The following COX16 variants were observed in gnomAD, a reference collection of about 807,000 sequenced individuals.
COX16 encodes the protein cytochrome c oxidase assembly factor COX16.
COX16 carries 12 observed loss-of-function variants against 15.4 expected under a neutral mutation model. That is an observed-to-expected ratio of 0.78 (90% CI 0.50 to 1.26). The LOEUF is 1.26. Among genes scored for constraint, COX16 ranks in the 50% most tolerant of loss-of-function variants. The pLI is 0.00. For synonymous variants in COX16, 46 were observed against 41.1 expected (o/e 1.12, Z -0.46); for missense variants, 124 against 127.6 (o/e 0.97, Z 0.14).
chr14:70,350,335 C>T (rs1886912537), intron 1 of COX16, among the ~76,000 whole-genome samples: 1 of 152,186 alleles, frequency 6.6e-6, no homozygotes, highest in South Asian at 2.1e-4. Flanking sequence ...GACTGTAAAA[C>T]TTTCGTCCCG....
chr14:70,349,878 C>A (rs576951816), intron 1 of COX16, among the ~76,000 whole-genome samples: 1 of 152,256 alleles, frequency 6.6e-6, no homozygotes, highest in East Asian at 1.9e-4. Context: ...GCCTTGTCCT[C>A]TCAACATAAC....
chr14:70,341,767 A>C (rs1228322062), intron 2 of COX16, among the ~76,000 whole-genome samples: 1 of 152,144 alleles, frequency 6.6e-6, no homozygotes, highest in Non-Finnish European at 1.5e-5. Context: ...ATTTAATCAG[A>C]TATTAAATGC....
At chr14:70,347,941 C>T (rs1315059742) in intron 1 of COX16, among the ~76,000 whole-genome samples, 3 of 152,178 alleles carry the variant, frequency 2.0e-5, no homozygotes, top group Non-Finnish European at 4.4e-5. Context: ...CCTTCAAACC[C>T]TGCATAGCCT....
intron 1 of COX16, among the ~76,000 whole-genome samples, chr14:70,356,893 G>A (rs1387293262): frequency 6.6e-6 from 1 of 152,032 alleles, no homozygotes; most frequent in Non-Finnish European, 1.5e-5. Context: ...ACAGCTTGGT[G>A]GCATTTTTAA....
At chr14:70,354,071 G>A (rs536429355) in intron 1 of COX16, among the ~76,000 whole-genome samples, 99 of 151,930 alleles carry the variant, frequency 6.5e-4, no homozygotes, top group African/African-American at 2.2e-3. Flanking sequence ...CAACTACGCC[G>A]GAGGCTGAGG....
At position 70,348,013 on chromosome 14, in the gene COX16, C is replaced by G. The variant is rs577088662; in HGVS notation, c.70-5284G>C. The stretch of plus-strand genomic sequence containing the variant: ...ATCTCAGCCCCCATCCTCACTCTCC[C>G]AGACCTCACCAAACCTTTCTCCCTC... On this transcript the variant is annotated intron_variant, in intron 1 of 3. Coordinates refer to ENST00000389912, the MANE Select transcript of COX16 (RefSeq NM_016468.7). 2.6e-5 allele frequency among the ~76,000 whole-genome samples: 4 copies of G among 152,198 alleles called. No individual in the cohort carries two copies. In the South Asian group the frequency reaches 6.2e-4, roughly 24 times the overall value.
At chr14:70,355,951 CTT>C (rs1449035018) in intron 1 of COX16, among the ~76,000 whole-genome samples, 2 of 152,168 alleles carry the variant, frequency 1.3e-5, no homozygotes, top group Non-Finnish European at 2.9e-5. Context: ...TCCCCTCTCT[CTT>C]GGCATGTGAT....
chr14:70,339,718 T>C (rs1886567494), intron 2 of COX16, among the ~76,000 whole-genome samples: 2 of 152,114 alleles, frequency 1.3e-5, no homozygotes, highest in South Asian at 2.1e-4. Flanking sequence ...CATTACCTCA[T>C]CCTCTCTACC....
chr14:70,331,089 C>T (rs1429692764), intron 2 of COX16, among the ~76,000 whole-genome samples: 2 of 152,158 alleles, frequency 1.3e-5, no homozygotes, highest in African/African-American at 2.4e-5. Context: ...CTCACTGCAA[C>T]CTCTGCCTCC....
rs552557340 is a variant in COX16 at position 70,346,966 on chromosome 14, ACTC to A, written c.70-4240_70-4238del. Among the ~76,000 whole-genome samples the A allele has an allele frequency of 5.3e-5, 8 of 151,266 alleles. No homozygotes were observed. The South Asian group carries it at 1.7e-3, about 32-fold the overall frequency. On this transcript the variant is annotated intron_variant, in intron 1 of 3. Transcript: ENST00000389912. ...CCCTCGGGGCATCTAACTTTCTTCTACTCCTCCAACCTGCCACCTTAAAACATG... is the reference window on the plus strand; with the variant it reads ...CCCTCGGGGCATCTAACTTTCTTCTACTCCAACCTGCCACCTTAAAACATG...
chr14:70,351,045 G>A (rs1423086056), intron 1 of COX16, among the ~76,000 whole-genome samples: 1 of 152,168 alleles, frequency 6.6e-6, no homozygotes, highest in Non-Finnish European at 1.5e-5. Flanking sequence ...ATTTTCAAAA[G>A]CTTAGCCCTT....
chr14:70,359,520 A>C lies in COX16; in HGVS notation c.68T>G (p.Leu23Trp), dbSNP rs1887235366. 6.2e-7 allele frequency: 1 copy of C among 1,613,862 alleles called. No individual in the cohort carries two copies. Among genetic ancestry groups the C allele is most frequent in the Non-Finnish European group, 8.5e-7 (1 of 1,179,788 alleles). Residue 23 changes from leucine to tryptophan, a missense_variant and splice_region_variant, in exon 1 of 4, where the codon TTG becomes TGG. Leu to Trp is a moderately conservative substitution (Grantham distance 61). Coordinates refer to ENST00000389912, the MANE Select transcript of COX16 (RefSeq NM_016468.7). Reference protein sequence around the residue: ...NKTLGYGVPMLLLIVGGSFGL... With the variant: ...NKTLGYGVPMWLLIVGGSFGL... ...GAAGATCCTCCTCACTCCACTCACC[A>C]ACATGGGGACTCCATAGCCGAGAGT...
chr14:70,356,112 C>T (rs1887116945), intron 1 of COX16, among the ~76,000 whole-genome samples: 1 of 151,140 alleles, frequency 6.6e-6, no homozygotes, highest in Admixed American at 6.6e-5. Flanking sequence ...TATAAATTAC[C>T]CAGCCTCTAG....
intron 2 of COX16, among the ~76,000 whole-genome samples, chr14:70,336,693 T>C (rs960414549): frequency 1.3e-5 from 2 of 152,196 alleles, no homozygotes; most frequent in African/African-American, 2.4e-5. Context: ...ATCTGTACTT[T>C]GTGTGATTTA....
chr14:70,354,444 G>A (rs1887062557), intron 1 of COX16, among the ~76,000 whole-genome samples: 1 of 152,118 alleles, frequency 6.6e-6, no homozygotes, highest in South Asian at 2.1e-4. Flanking sequence ...GAGGAGAGCT[G>A]GAGACAGTTC....
Position 70,326,265 on chromosome 14 carries a change from A to C in COX16, c.*68T>G. The C allele has an allele frequency of 7.9e-7, 1 of 1,269,164 alleles. No homozygotes were observed. Among genetic ancestry groups the C allele is most frequent in the Non-Finnish European group, 1.0e-6 (1 of 971,534 alleles). 78.6% of individuals were successfully genotyped at this position (1,269,164 alleles called of 1,614,324 possible). A position where few individuals can be genotyped will look rare whatever the true frequency, so the allele number is the denominator to read the frequency against. On this transcript the variant is annotated 3_prime_UTR_variant, in exon 4 of 4. Transcript: ENST00000389912. ...TTTCCTTTCCACTTGATAGAAGTAT[A>C]TATTAGGAAGTCCAGTTAATAATAT...
intron 1 of COX16, among the ~76,000 whole-genome samples, chr14:70,358,400 G>A (rs1461539467): frequency 1.6e-5 from 2 of 121,684 alleles, no homozygotes; most frequent in Admixed American, 1.0e-4. Context: ...TTTTTGGAGA[G>A]ACAGAGGTCT....
At position 70,325,732 on chromosome 14, in the gene COX16, A is replaced by T. The variant is rs1352715852; in HGVS notation, c.*601T>A. 6.6e-6 allele frequency: 1 copy of T among 152,218 alleles called. No individual in the cohort carries two copies. The highest frequency in any genetic ancestry group is 1.5e-5 in the Non-Finnish European group (1 of 68,038). The allele number at this position is 152,218 out of a possible 1,614,324, so 9.4% of individuals were successfully genotyped here. A position where few individuals can be genotyped will look rare whatever the true frequency, so the allele number is the denominator to read the frequency against. ...TGCTTATAATCATACACTACTTCATAATTTTTGACAACCATAAATAATATA... is the reference window on the plus strand; with the variant it reads ...TGCTTATAATCATACACTACTTCATTATTTTTGACAACCATAAATAATATA... On this transcript the variant is annotated 3_prime_UTR_variant, in exon 4 of 4. Transcript: ENST00000389912.
intron 1 of COX16, among the ~76,000 whole-genome samples, chr14:70,347,212 T>C (rs1289830713): frequency 1.3e-5 from 2 of 152,142 alleles, no homozygotes; most frequent in Non-Finnish European, 1.5e-5. Flanking sequence ...CAAGAAACTC[T>C]CCTTTTAACA....
Sources: gnomAD v4.1 joint callset for allele counts (sites outside exome capture counted in the v4.1 genomes callset) on GRCh38, gnomAD v4.1.1 for gene constraint, MANE v1.5 for transcripts, NCBI Gene and HGNC (gene_info 2026-07-23, HGNC 2026-07-21) for gene names.